ADAMTSL3: variants seen among roughly 807,000 people sequenced by gnomAD.
ADAMTSL3 encodes ADAMTS-like protein 3.
A neutral mutation model predicts 201.7 loss-of-function variants in ADAMTSL3; 128 were observed. The observed-to-expected ratio is 0.63, with a 90% CI of 0.55 to 0.73. The LOEUF is 0.73. Ranked by LOEUF, ADAMTSL3 falls within the 30% of genes least tolerant of loss-of-function variation. The pLI, the probability that ADAMTSL3 is intolerant of heterozygous loss-of-function variation, is 0.00. For missense variants in ADAMTSL3, 1,990 were observed against 2,119.6 expected (o/e 0.94, Z 1.20); for synonymous variants, 738 against 748.4 (o/e 0.99, Z 0.23).
chr15:83,737,286 G>A (rs944153415), intron 3 of ADAMTSL3, among the ~76,000 whole-genome samples: 11 of 152,088 alleles, frequency 7.2e-5, no homozygotes, highest in African/African-American at 2.7e-4. Flanking sequence ...GGAATGGAAG[G>A]AAGACTATAA....
At chr15:83,736,815 A>G (rs187567706) in intron 3 of ADAMTSL3, among the ~76,000 whole-genome samples, 55 of 152,328 alleles carry the variant, frequency 3.6e-4, no homozygotes, top group Admixed American at 2.2e-3. Context: ...CATTACCAAC[A>G]TATTCTTCCA....
At chr15:83,936,518 G>A (rs187533039) in intron 17 of ADAMTSL3, among the ~76,000 whole-genome samples, 1 of 150,822 alleles carries the variant, frequency 6.6e-6, no homozygotes, top group African/African-American at 2.5e-5. Flanking sequence ...CTGAACAACT[G>A]TAGACTTTTG....
chr15:83,958,476 CT>C (rs1231041300), intron 19 of ADAMTSL3, among the ~76,000 whole-genome samples: 1 of 152,206 alleles, frequency 6.6e-6, no homozygotes, highest in African/African-American at 2.4e-5. Context: ...GCATATAATA[CT>C]TCCTTTTAAC....
At chr15:83,857,835 A>G (rs1162018854) in intron 7 of ADAMTSL3, among the ~76,000 whole-genome samples, 2 of 152,230 alleles carry the variant, frequency 1.3e-5, no homozygotes, top group Non-Finnish European at 2.9e-5. Flanking sequence ...TAAGTTAGAC[A>G]AAAACATCTG....
Position 84,031,411 on chromosome 15 carries a change from C to T in ADAMTSL3, c.4733C>T (p.Ser1578Phe), listed in dbSNP as rs751657369. 4 of 1,614,080 alleles carry T rather than the reference C, an allele frequency of 2.5e-6. No homozygotes were observed. The highest frequency in any genetic ancestry group is 3.4e-6 in the Non-Finnish European group (4 of 1,180,006). ...GCTTGTCAACACAACAGCTCTGACT[C>T]CAACTGTGATGACAGAAAGAGGTAG... ...HTACQHNSSDSNCDDRKRPTL... is the reference protein window; with the variant it reads ...HTACQHNSSDFNCDDRKRPTL... The change falls in exon 28 of 30, where the codon TCC becomes TTC. Residue 1578 changes from serine to phenylalanine, a missense_variant. Transcript: ENST00000286744.
chr15:83,756,825 A>T (rs2141689700), intron 3 of ADAMTSL3, among the ~76,000 whole-genome samples: 1 of 152,340 alleles, frequency 6.6e-6, no homozygotes, highest in South Asian at 2.1e-4. Context: ...ACCATTCCAA[A>T]TAGGAGGAAT....
chr15:83,728,456 G>T (rs1263170098), intron 3 of ADAMTSL3, among the ~76,000 whole-genome samples: 6 of 149,566 alleles, frequency 4.0e-5, no homozygotes, highest in Admixed American at 3.3e-4. Context: ...TTTTAGTGAG[G>T]GTGATTTTCT....
intron 25 of ADAMTSL3, among the ~76,000 whole-genome samples, chr15:84,017,261 C>A (rs574465714): frequency 6.6e-6 from 1 of 152,010 alleles, no homozygotes; most frequent in Non-Finnish European, 1.5e-5. Context: ...GGGACTACAG[C>A]CACCCGCCAC....
intron 23 of ADAMTSL3, among the ~76,000 whole-genome samples, chr15:83,998,656 T>C (rs2067733990): frequency 6.6e-6 from 1 of 152,168 alleles, no homozygotes; most frequent in South Asian, 2.1e-4. Context: ...CTTGTTCATG[T>C]CCTCATGGCC....
chr15:83,990,078 C>A (rs1441038972), intron 22 of ADAMTSL3, among the ~76,000 whole-genome samples: 1 of 152,166 alleles, frequency 6.6e-6, no homozygotes, highest in Non-Finnish European at 1.5e-5. Context: ...TAGGGTCAGA[C>A]AGGGCCTCTC....
intron 4 of ADAMTSL3, among the ~76,000 whole-genome samples, chr15:83,801,545 A>G (rs186709182): frequency 6.7e-6 from 1 of 149,198 alleles, no homozygotes; most frequent in Non-Finnish European, 1.5e-5. Flanking sequence ...CAAAATAACC[A>G]CTACAGAAAA....
intron 6 of ADAMTSL3, among the ~76,000 whole-genome samples, chr15:83,825,330 G>A (rs909876807): frequency 6.6e-6 from 1 of 152,180 alleles, no homozygotes; most frequent in South Asian, 2.1e-4. Flanking sequence ...AGCAATTTAG[G>A]TTGGGCGCAT....
chr15:83,743,904 G>T lies in ADAMTSL3; in HGVS notation c.190-29619G>T, dbSNP rs2062499684. Among the ~76,000 whole-genome samples, 3 of 152,034 alleles carry T rather than the reference G, an allele frequency of 2.0e-5. No individual in the cohort carries two copies. The South Asian group carries it at 6.2e-4, about 32-fold the overall frequency. On this transcript the variant is annotated intron_variant, in intron 3 of 29. Coordinates refer to ENST00000286744, the MANE Select transcript of ADAMTSL3 (RefSeq NM_207517.3). ...ATGGCGTCTGTTGCCCAGGCGGAGTGCAGTGGTGTGATCTCGGTTCACTGC... is the reference window on the plus strand; with the variant it reads ...ATGGCGTCTGTTGCCCAGGCGGAGTTCAGTGGTGTGATCTCGGTTCACTGC...
chr15:83,685,892 A>G (rs1432538982), intron 2 of ADAMTSL3, among the ~76,000 whole-genome samples: 1 of 152,128 alleles, frequency 6.6e-6, no homozygotes, highest in Non-Finnish European at 1.5e-5. Flanking sequence ...AGGACAGCAA[A>G]ATGAAAGTGA....
intron 23 of ADAMTSL3, among the ~76,000 whole-genome samples, chr15:84,007,865 G>A (rs2067923048): frequency 6.6e-6 from 1 of 152,164 alleles, no homozygotes; most frequent in Non-Finnish European, 1.5e-5. Flanking sequence ...GGTGAGCAAA[G>A]CCATCCCTAA....
intron 25 of ADAMTSL3, among the ~76,000 whole-genome samples, chr15:84,020,783 G>A (rs575975779): frequency 6.6e-6 from 1 of 152,256 alleles, no homozygotes; most frequent in South Asian, 2.1e-4. Flanking sequence ...TTAAAAAGCT[G>A]GGATTACTGG....
intron 3 of ADAMTSL3, among the ~76,000 whole-genome samples, chr15:83,717,229 G>C (rs925500791): frequency 2.0e-5 from 3 of 152,120 alleles, no homozygotes; most frequent in Non-Finnish European, 4.4e-5. Flanking sequence ...CATCATGCTG[G>C]GTGTATGATA....
chr15:83,759,049 T>A (rs1472589053), intron 3 of ADAMTSL3, among the ~76,000 whole-genome samples: 1 of 152,184 alleles, frequency 6.6e-6, no homozygotes, highest in Non-Finnish European at 1.5e-5. Context: ...CCTTTCCCCT[T>A]GCAGGTCACT....
intron 19 of ADAMTSL3, among the ~76,000 whole-genome samples, chr15:83,958,605 C>T (rs1443922596): frequency 6.6e-6 from 1 of 152,130 alleles, no homozygotes; most frequent in Non-Finnish European, 1.5e-5. Flanking sequence ...AGAACATCTG[C>T]AAACCTCCAA....
Sources: gnomAD v4.1 joint callset for allele counts (sites outside exome capture counted in the v4.1 genomes callset) on GRCh38, gnomAD v4.1.1 for gene constraint, MANE v1.5 for transcripts, NCBI Gene and HGNC (gene_info 2026-07-23, HGNC 2026-07-21) for gene names.